The following RAF1 variants were observed in gnomAD, a reference collection of about 807,000 sequenced individuals.
RAF1 encodes the protein Raf-1 proto-oncogene, serine/threonine kinase, also known as RAF proto-oncogene serine/threonine-protein kinase.
A neutral mutation model predicts 81.1 loss-of-function variants in RAF1; 27 were observed. That is an observed-to-expected ratio of 0.33 (90% confidence interval 0.25 to 0.46). The LOEUF is 0.46. Among genes scored for constraint, RAF1 ranks in the 20% least tolerant of loss-of-function variants. The pLI is 1.00. For missense variants in RAF1, 598 were observed against 826.0 expected (o/e 0.72, Z 3.38); for synonymous variants, 298 against 294.0 (o/e 1.01, Z -0.14).
intron 1 of RAF1, among the ~76,000 whole-genome samples, chr3:12,628,994 A>G (rs1333146552): frequency 1.3e-5 from 2 of 152,016 alleles, no homozygotes; most frequent in Non-Finnish European, 2.9e-5. Context: ...CAAGTGATTC[A>G]CCAGCTTGTC....
intron 12 of RAF1, among the ~76,000 whole-genome samples, chr3:12,591,288 T>C (rs1322710124): frequency 6.6e-6 from 1 of 152,126 alleles, no homozygotes; most frequent in Non-Finnish European, 1.5e-5. Context: ...AAGTCTCCAT[T>C]ATATGACTTA....
intron 3 of RAF1, 79 bp from the exon 4 acceptor site, chr3:12,609,414 C>G (rs1234942927): frequency 1.1e-6 from 1 of 912,326 alleles, no homozygotes; most frequent in Non-Finnish European, 1.8e-6. Flanking sequence ...TACCATTTAT[C>G]ACATGCCATA....
At position 12,591,855 on chromosome 3, in the gene RAF1, GT is replaced by G. The variant is rs869040448; in HGVS notation, c.1169-64del. ...TGATCTCAGTCTTTCAAATAACCTA[GT>G]TTTGAGGAAGATACAGTGAATCATT... is the stretch of plus-strand genomic sequence containing the variant. On this transcript the variant is annotated intron_variant, in intron 11 of 17. Transcript: ENST00000442415. 4 of 1,220,646 alleles carry G rather than the reference GT, an allele frequency of 3.3e-6. No individual in the cohort carries two copies. The South Asian group carries it at 4.8e-5, about 15-fold the overall frequency. 75.6% of individuals were successfully genotyped at this position (1,220,646 alleles called of 1,614,324 possible).
chr3:12,614,290 G>T (rs1462162042), intron 2 of RAF1, among the ~76,000 whole-genome samples: 1 of 152,124 alleles, frequency 6.6e-6, no homozygotes, highest in Non-Finnish European at 1.5e-5. Context: ...TGATACCTGG[G>T]ATTTGTGTCA....
At chr3:12,607,734 T>C (rs530307011) in intron 5 of RAF1, among the ~76,000 whole-genome samples, 1 of 151,438 alleles carries the variant, frequency 6.6e-6, no homozygotes, top group South Asian at 2.1e-4. Context: ...GGGCAGATCA[T>C]GAGGTCAAGA....
intron 1 of RAF1, among the ~76,000 whole-genome samples, chr3:12,653,157 C>A (rs2060587192): frequency 6.6e-6 from 1 of 151,580 alleles, no homozygotes; most frequent in South Asian, 2.1e-4. Flanking sequence ...TGGCACAGGC[C>A]TGTAATCCTA....
chr3:12,594,883 AGT>A (rs2058637016), intron 11 of RAF1, among the ~76,000 whole-genome samples: 1 of 152,202 alleles, frequency 6.6e-6, no homozygotes, highest in African/African-American at 2.4e-5. Context: ...TCGTTAACAC[AGT>A]TATGGTAACA....
intron 1 of RAF1, among the ~76,000 whole-genome samples, chr3:12,627,129 GAC>G (rs1406383796): frequency 6.6e-6 from 1 of 151,798 alleles, no homozygotes; most frequent in Admixed American, 6.6e-5. Context: ...TATTTGGTAA[GAC>G]AGTCTGGGAA....
chr3:12,620,531 CATG>C (rs1462036406), intron 1 of RAF1, among the ~76,000 whole-genome samples: 2 of 152,164 alleles, frequency 1.3e-5, no homozygotes, highest in East Asian at 3.8e-4. Context: ...GGTGCAGTGA[CATG>C]ATCACAGCTC....
chr3:12,648,745 C>CAA (rs35821519), intron 1 of RAF1, among the ~76,000 whole-genome samples: 1 of 143,328 alleles, frequency 7.0e-6, no homozygotes, highest in African/African-American at 2.6e-5. Flanking sequence ...GATTCTGCTT[C>CAA]AAAAAAAAAA....
intron 1 of RAF1, among the ~76,000 whole-genome samples, chr3:12,628,985 A>C (rs1003827772): frequency 6.6e-6 from 1 of 152,090 alleles, no homozygotes; most frequent in African/African-American, 2.4e-5. Flanking sequence ...TCCTGACCTC[A>C]AGTGATTCAC....
chr3:12,620,989 G>T lies in RAF1; in HGVS notation c.-26-2242C>A, dbSNP rs561467525. On this transcript the variant is annotated intron_variant, in intron 1 of 17. Transcript: ENST00000442415. ...CAGAAACCATGCAGAAGTAAGGGGG[G>T]TAGGGTTTCCTCCTTTAGAAAACTT... is the stretch of plus-strand genomic sequence containing the variant. 6.6e-5 allele frequency among the ~76,000 whole-genome samples: 10 copies of T among 152,198 alleles called. No homozygotes were observed. The East Asian group carries it at 1.7e-3, about 26-fold the overall frequency.
intron 1 of RAF1, among the ~76,000 whole-genome samples, chr3:12,641,040 A>G (rs1400231360): frequency 6.6e-6 from 1 of 152,152 alleles, no homozygotes; most frequent in Non-Finnish European, 1.5e-5. Context: ...GCCATAAAAA[A>G]GGATGAGTTC....
chr3:12,654,096 A>G (rs1167562518), intron 1 of RAF1, among the ~76,000 whole-genome samples: 1 of 151,718 alleles, frequency 6.6e-6, no homozygotes, highest in Non-Finnish European at 1.5e-5. Flanking sequence ...GACTCAAACA[A>G]TCCTCTCTCC....
intron 1 of RAF1, among the ~76,000 whole-genome samples, chr3:12,639,174 C>T (rs1009505319): frequency 6.6e-6 from 1 of 152,132 alleles, no homozygotes; most frequent in Non-Finnish European, 1.5e-5. Flanking sequence ...TTCAACAGCC[C>T]TTCATGCTAA....
chr3:12,632,138 C>CAT, intron 1 of RAF1, among the ~76,000 whole-genome samples: 1 of 151,894 alleles, frequency 6.6e-6, no homozygotes, highest in African/African-American at 2.4e-5. Flanking sequence ...CCAGCCTGGC[C>CAT]CATGGTGAAA....
At chr3:12,586,648 G>C (rs1472625249) in intron 14 of RAF1, among the ~76,000 whole-genome samples, 2 of 152,146 alleles carry the variant, frequency 1.3e-5, no homozygotes, top group African/African-American at 2.4e-5. Flanking sequence ...GCAAAACGTG[G>C]GTTGTAATGC....
intron 1 of RAF1, among the ~76,000 whole-genome samples, chr3:12,640,229 A>G (rs957579593): frequency 6.6e-6 from 1 of 152,216 alleles, no homozygotes; most frequent in African/African-American, 2.4e-5. Context: ...AAGATGGATT[A>G]AAGACTTAAA....
chr3:12,587,898 C>T (rs1420025079), intron 13 of RAF1: 2 of 308,244 alleles, frequency 6.5e-6, no homozygotes, highest in Non-Finnish European at 1.2e-5. Flanking sequence ...CCTTAACCTC[C>T]TGGGCTCAAG....
Sources: gnomAD v4.1 joint callset for allele counts (sites outside exome capture counted in the v4.1 genomes callset) on GRCh38, gnomAD v4.1.1 for gene constraint, MANE v1.5 for transcripts, NCBI Gene and HGNC (gene_info 2026-07-23, HGNC 2026-07-21) for gene names.